FLT1: variants seen among roughly 807,000 people sequenced by gnomAD.
The protein encoded by FLT1 is fms related receptor tyrosine kinase 1, also known as vascular endothelial growth factor receptor 1.
Under a neutral mutation model 156.3 loss-of-function variants are expected in FLT1, and 49 were observed. The ratio of observed to expected loss-of-function variants is 0.31; its 90% CI spans 0.25 to 0.40. The LOEUF is 0.40. FLT1 is among the 10% of genes least tolerant of loss of function. The pLI is 1.00. For synonymous variants in FLT1, 594 were observed against 583.8 expected (o/e 1.02, Z -0.25); for missense variants, 1,322 against 1,637.2 (o/e 0.81, Z 3.32).
At chr13:28,429,055 G>C (rs1877519192) in intron 8 of FLT1, among the ~76,000 whole-genome samples, 1 of 152,088 alleles carries the variant, frequency 6.6e-6, no homozygotes, top group Non-Finnish European at 1.5e-5. Flanking sequence ...CACTGGAAGA[G>C]TGAATGTACC....
At chr13:28,483,029 C>A (rs1194543397) in intron 1 of FLT1, among the ~76,000 whole-genome samples, 1 of 152,168 alleles carries the variant, frequency 6.6e-6, no homozygotes, top group Non-Finnish European at 1.5e-5. Context: ...CAGGGCACTG[C>A]AATTACTCTA....
At chr13:28,405,759 G>A in intron 11 of FLT1, 21 bp downstream of exon 11, 1 of 1,222,774 alleles carries the variant, frequency 8.2e-7, no homozygotes, top group Non-Finnish European at 1.2e-6. Context: ...ATATCCCAGT[G>A]CGCATTTTTA....
At chr13:28,454,288 C>T (rs1019236830) in intron 3 of FLT1, among the ~76,000 whole-genome samples, 4 of 152,114 alleles carry the variant, frequency 2.6e-5, no homozygotes, top group African/African-American at 9.7e-5. Flanking sequence ...CATGTAGTCT[C>T]CTAATAGCCC....
Position 28,438,342 on chromosome 13 carries a change from G to A in FLT1, c.392C>T (p.Thr131Ile). The change falls in exon 4 of 30, where the codon ACA becomes ATA. Residue 131 changes from threonine (T) to isoleucine (I), a missense_variant. Physicochemically the swap from Thr to Ile is moderately conservative, Grantham distance 89. Coordinates refer to ENST00000282397, the MANE Select transcript of FLT1 (RefSeq NM_002019.4). The part of the protein sequence containing the change: ...ESAIYIFISD[T>I]GRPFVEMYSE... The stretch of plus-strand genomic sequence containing the variant: ...GTACATCTCTACGAAAGGTCTACCT[G>A]TATCTGAATGAGAAGAAAATGAAAA... The A allele has an allele frequency of 6.2e-7, 1 of 1,607,828 alleles. No homozygotes were observed.
At chr13:28,428,035 A>G (rs992355891) in intron 8 of FLT1, 114 bp from the exon 9 acceptor site, 4 of 863,244 alleles carry the variant, frequency 4.6e-6, no homozygotes, top group South Asian at 4.2e-5. Context: ...ACCTTTGATC[A>G]TCAGTGTTGA....
intron 12 of FLT1, among the ~76,000 whole-genome samples, chr13:28,394,243 C>T (rs1320732109): frequency 6.6e-6 from 1 of 152,140 alleles, no homozygotes; most frequent in Non-Finnish European, 1.5e-5. Context: ...ATATTCCAGG[C>T]AATGAGGGCT....
intron 10 of FLT1, among the ~76,000 whole-genome samples, chr13:28,412,231 C>T (rs1023995019): frequency 6.6e-6 from 1 of 152,170 alleles, no homozygotes; most frequent in African/African-American, 2.4e-5. Context: ...AAAACATTAG[C>T]GATTGTGTGT....
intron 1 of FLT1, among the ~76,000 whole-genome samples, chr13:28,487,189 C>G (rs1881213140): frequency 6.6e-6 from 1 of 152,178 alleles, no homozygotes; most frequent in Non-Finnish European, 1.5e-5. Flanking sequence ...CAGCCAAGAC[C>G]CGAGGATTTT....
intron 28 of FLT1, among the ~76,000 whole-genome samples, chr13:28,306,973 C>T (rs1270420327): frequency 6.6e-6 from 1 of 152,202 alleles, no homozygotes; most frequent in Non-Finnish European, 1.5e-5. Flanking sequence ...TCCCCAGTGA[C>T]TTTGAGGCCC....
At chr13:28,334,252 C>A (rs1467817402) in intron 17 of FLT1, 123 bp from the exon 18 acceptor site, 3 of 776,076 alleles carry the variant, frequency 3.9e-6, no homozygotes, top group East Asian at 4.9e-5. Flanking sequence ...AGTGAACTAA[C>A]CCTAAAAGAG....
chr13:28,371,158 G>A (rs77220837), intron 14 of FLT1, among the ~76,000 whole-genome samples: 1,932 of 151,976 alleles, frequency 0.013, 46 homozygotes, highest in African/African-American at 0.044. Flanking sequence ...ATTTTATCTC[G>A]GAAATGCTGG....
At chr13:28,374,187 T>C (rs1488248094) in intron 14 of FLT1, among the ~76,000 whole-genome samples, 2 of 152,110 alleles carry the variant, frequency 1.3e-5, no homozygotes, top group Non-Finnish European at 2.9e-5. Context: ...AAATTTATGT[T>C]ATGTGCATTT....
rs1217479245 is a variant in FLT1 at position 28,412,342 on chromosome 13, C to CTTTTTT, written c.1437-6449_1437-6448insAAAAAA. On this transcript the variant is annotated intron_variant, in intron 10 of 29. Coordinates refer to ENST00000282397, the MANE Select transcript of FLT1 (RefSeq NM_002019.4). ...CTTTCTTTCTTTCTTTTCTTTCTTT[C>CTTTTTT]TTTCTTTCTCTTTCTTTCTTTCTTT... Among the ~76,000 whole-genome samples the CTTTTTT allele has an allele frequency of 2.6e-5, 2 of 76,734 alleles. 1 individual carries two copies. The highest frequency in any genetic ancestry group is 8.2e-5 in the African/African-American group (2 of 24,482). The allele number at this position is 76,734 out of a possible 152,430, so 50.3% of individuals were successfully genotyped here.
At chr13:28,303,929 G>A (rs1013120674) in intron 29 of FLT1, among the ~76,000 whole-genome samples, 9 of 152,168 alleles carry the variant, frequency 5.9e-5, no homozygotes, top group African/African-American at 2.2e-4. Flanking sequence ...TTTAGTCACG[G>A]TGCTGCTTAT....
At chr13:28,433,389 C>G (rs1031589921) in intron 6 of FLT1, among the ~76,000 whole-genome samples, 1 of 152,156 alleles carries the variant, frequency 6.6e-6, no homozygotes, top group African/African-American at 2.4e-5. Flanking sequence ...CAATCAGGTG[C>G]CTGACTGTCT....
intron 20 of FLT1, among the ~76,000 whole-genome samples, chr13:28,324,963 T>C (rs1871615518): frequency 6.6e-6 from 1 of 152,224 alleles, no homozygotes; most frequent in Non-Finnish European, 1.5e-5. Flanking sequence ...AGTGAATTTA[T>C]TACAAACCAT....
At chr13:28,376,178 T>C (rs763141909) in intron 14 of FLT1, among the ~76,000 whole-genome samples, 19 of 152,272 alleles carry the variant, frequency 1.2e-4, no homozygotes, top group Admixed American at 7.2e-4. Flanking sequence ...ATGCAGACAT[T>C]TGGTGTCAGT....
At chr13:28,422,491 G>C (rs1877070940) in intron 10 of FLT1, among the ~76,000 whole-genome samples, 1 of 152,162 alleles carries the variant, frequency 6.6e-6, no homozygotes, top group African/African-American at 2.4e-5. Context: ...GTAATCAAAG[G>C]CTGCAGGCAT....
chr13:28,362,038 T>C (rs1330582056), intron 14 of FLT1, among the ~76,000 whole-genome samples: 2 of 152,140 alleles, frequency 1.3e-5, no homozygotes, highest in Admixed American at 1.3e-4. Context: ...AATGATGAGG[T>C]CTCAAATCTG....
Sources: allele counts gnomAD v4.1 joint callset (sites outside exome capture counted in the v4.1 genomes callset), GRCh38; gene constraint gnomAD v4.1.1; transcripts MANE v1.5; gene names NCBI Gene and HGNC (gene_info 2026-07-23, HGNC 2026-07-21).